SLC52A1: variants seen among roughly 807,000 people sequenced by gnomAD.
The protein encoded by SLC52A1 is solute carrier family 52, riboflavin transporter, member 1.
In SLC52A1, 20 loss-of-function variants were observed where a neutral mutation model predicts 23.2. The observed-to-expected ratio is 0.86, with a 90% CI of 0.61 to 1.25. The LOEUF (loss-of-function observed/expected upper bound fraction) is 1.25. SLC52A1 is among the 50% of genes most tolerant of loss of function. SLC52A1 has a pLI of 0.00. For synonymous variants in SLC52A1, 260 were observed against 256.6 expected, an observed-to-expected ratio of 1.01 and a Z score of -0.13; for missense variants, 528 against 557.0, an observed-to-expected ratio of 0.95 and a Z score of 0.52.
Position 5,034,008 on chromosome 17 carries a change from G to GC in SLC52A1, c.480dup (p.Leu161AlafsTer29). The GC allele has an allele frequency of 6.2e-7, 1 of 1,614,056 alleles. No homozygotes were observed. Among genetic ancestry groups the GC allele is most frequent in the Non-Finnish European group, 8.5e-7 (1 of 1,179,942 alleles). On this transcript the variant is annotated frameshift_variant, in exon 3 of 5. Coordinates refer to ENST00000254853, the MANE Select transcript of SLC52A1 (RefSeq NM_017986.4). LOFTEE classifies it high-confidence loss of function. ...CGGCCCACACCTTGCACTAGGGCCAGCACACAGGGGAGTAGGGCACTGAGA... is the reference window on the plus strand; with the variant it reads ...CGGCCCACACCTTGCACTAGGGCCAGCCACACAGGGGAGTAGGGCACTGAGA...
chr17:5,039,502 T>C (rs1372035798), upstream of SLC52A1, among the ~76,000 whole-genome samples: 1 of 152,080 alleles, frequency 6.6e-6, no homozygotes, highest in African/African-American at 2.4e-5. Flanking sequence ...TGACAATTTC[T>C]CACTCTGCCA....
In SLC52A1 at chr17:5,033,578, G is replaced by A. The variant is rs1975373636; in HGVS notation, c.911C>T (p.Ser304Phe). 6.2e-7 allele frequency: 1 copy of A among 1,613,962 alleles called. No homozygotes were observed. Among genetic ancestry groups the A allele is most frequent in the Non-Finnish European group, 8.5e-7 (1 of 1,180,006 alleles). Residue 304 changes from serine (S) to phenylalanine (F), a missense_variant, in exon 3 of 5, where the codon TCC (serine) becomes TTC (phenylalanine). Transcript: ENST00000254853. ...NGVLPSVQSF[S>F]CLPYGRLAYH... is the part of the protein sequence containing the mutation. ...GGCCAGGCGCCCATAGGGCAAACAG[G>A]AAAAGCTCTGCACAGAAGGCAGCAC...
rs1272471932 is a variant in SLC52A1 at position 5,034,600 on chromosome 17, C to T, written c.7G>A (p.Ala3Thr). 3 of 1,614,030 alleles carry T rather than the reference C, an allele frequency of 1.9e-6. No homozygotes were observed. The highest frequency in any genetic ancestry group is 2.5e-6 in the Non-Finnish European group (3 of 1,180,038). ...AGCACCAGACGGCCCAGCGTGGGTG[C>T]TGCCATTCAGCCCAAAGCTGGACCC... is the stretch of plus-strand genomic sequence containing the variant. MA[A>T]PTLGRLVLTH... Residue 3 changes from alanine to threonine, a missense_variant, in exon 2 of 5, where the codon GCA becomes ACA. Physicochemically the swap from Ala to Thr is moderately conservative, Grantham distance 58. Transcript: ENST00000254853.
chr17:5,041,074 C>T (rs919279820), intron 1 of SLC52A1, among the ~76,000 whole-genome samples: 7 of 151,786 alleles, frequency 4.6e-5, no homozygotes, highest in Non-Finnish European at 1.0e-4. Context: ...GGATTACAGG[C>T]GTGAGCCACC....
chr17:5,032,863 G>T lies in SLC52A1; in HGVS notation c.*94C>A. The stretch of plus-strand genomic sequence containing the variant: ...AGGTGTCCATGAGCGTTCCTGTGTT[G>T]GGGGAAGCCTGCCTGGGCCACAAGT... On this transcript the variant is annotated 3_prime_UTR_variant, in exon 5 of 5. Transcript: ENST00000254853. 1 of 1,179,166 alleles carries T rather than the reference G, an allele frequency of 8.5e-7. No homozygotes were observed. The highest frequency in any genetic ancestry group is 1.2e-6 in the Non-Finnish European group (1 of 819,528). The allele number at this position is 1,179,166 out of a possible 1,614,324, so 73.0% of individuals were successfully genotyped here.
chr17:5,037,921 T>C (rs1427232308), upstream of SLC52A1, among the ~76,000 whole-genome samples: 6 of 144,108 alleles, frequency 4.2e-5, 1 homozygote, highest in African/African-American at 1.0e-4. Context: ...TTCCTTTTTT[T>C]TTTTTTTTTT....
In SLC52A1 at chr17:5,034,232, A is replaced by C. The variant is rs748471589; in HGVS notation, c.257T>G (p.Val86Gly). 8.7e-6 allele frequency: 14 copies of C among 1,613,628 alleles called. No homozygotes were observed. In the East Asian group the frequency reaches 3.1e-4, roughly 36 times the overall value. ...GEQVPIQVVQ[V>G]LSVVGTALLA... ...CAGGGCTGTGCCCACTACACTCAGC[A>C]CCTGTACCACCTGGATGGGGACCTG... Residue 86 changes from valine (V) to glycine (G), a missense_variant, in exon 3 of 5, where the codon GTG becomes GGG. Transcript: ENST00000254853.
upstream of SLC52A1, among the ~76,000 whole-genome samples, chr17:5,037,186 C>T (rs1250587529): frequency 6.6e-6 from 1 of 152,058 alleles, no homozygotes; most frequent in African/African-American, 2.4e-5. Flanking sequence ...ACAAAAGAAT[C>T]GTATTTCCTA....
At chr17:5,035,685 G>T (rs535551913), upstream of SLC52A1, among the ~76,000 whole-genome samples, 71 of 152,264 alleles carry the variant, frequency 4.7e-4, no homozygotes, top group African/African-American at 1.6e-3. Flanking sequence ...TTTGTTGTTT[G>T]TTGTTTTAAT....
upstream of SLC52A1, among the ~76,000 whole-genome samples, chr17:5,038,519 A>G (rs1000518613): frequency 6.6e-6 from 1 of 152,202 alleles, no homozygotes; most frequent in Non-Finnish European, 1.5e-5. Flanking sequence ...AGTTTCCCAC[A>G]GTAATACCAA....
chr17:5,039,291 C>G (rs1049427523), upstream of SLC52A1, among the ~76,000 whole-genome samples: 1 of 151,684 alleles, frequency 6.6e-6, no homozygotes, highest in Non-Finnish European at 1.5e-5. Context: ...CCACTACACT[C>G]CAGCCTGGGC....
Position 5,033,788 on chromosome 17 carries a change from T to A in SLC52A1, c.701A>T (p.Gln234Leu). 6.2e-7 allele frequency: 1 copy of A among 1,614,162 alleles called. No individual in the cohort carries two copies. The highest frequency in any genetic ancestry group is 1.7e-5 in the Admixed American group (1 of 60,028). The change falls in exon 3 of 5, where the codon CAA becomes CTA. Residue 234 changes from glutamine to leucine, a missense_variant. Transcript: ENST00000254853. ...CTCCTCTGCTCCTGGGGATCCCAGT[T>A]GAAGTTCAGGCCCTGAGCCCCCTGT... The part of the protein sequence containing the change: ...VTTGGSGPEL[Q>L]LGSPGAEEEE...
chr17:5,040,997 G>A (rs1030882796), intron 1 of SLC52A1, among the ~76,000 whole-genome samples: 8 of 151,674 alleles, frequency 5.3e-5, no homozygotes, highest in Non-Finnish European at 7.4e-5. Flanking sequence ...GGGTTTCACC[G>A]TGTTAGCCAG....
At position 5,033,658 on chromosome 17, in the gene SLC52A1, G is replaced by A. The variant is rs763744798; in HGVS notation, c.831C>T (p.Ala277=). Residue 277 remains alanine (A), a synonymous_variant, in exon 3 of 5, where the codon GCC becomes GCT. Coordinates refer to ENST00000254853, the MANE Select transcript of SLC52A1 (RefSeq NM_017986.4). ...TCAGGCCCAGCAGGAAGGCACCATGGGCTGAGAACAGCTGATGGGCCTCAG... is the reference window on the plus strand; with the variant it reads ...TCAGGCCCAGCAGGAAGGCACCATGAGCTGAGAACAGCTGATGGGCCTCAG... ...PDPEAHQLFS[A]HGAFLLGLMA... The A allele has an allele frequency of 2.5e-6, 4 of 1,613,936 alleles. No homozygotes were observed. In the African/African-American group the frequency reaches 4.0e-5, roughly 16 times the overall value.
Position 5,033,135 on chromosome 17 carries a change from G to A in SLC52A1, c.1169C>T (p.Ser390Leu), listed in dbSNP as rs771636989. The A allele has an allele frequency of 2.5e-6, 4 of 1,613,868 alleles. No homozygotes were observed. The Admixed American group carries it at 5.0e-5, about 20-fold the overall frequency. Residue 390 changes from serine to leucine, a missense_variant, in exon 5 of 5, where the codon TCA (serine) becomes TTA (leucine). By Grantham distance (145) the Ser-to-Leu change is moderately radical. Transcript: ENST00000254853. ...GGAGCTTGCAGCCACCTTCACATAT[G>A]AGAACACACACAGACACAGCACCCA... ...LSWVLCLCVF[S>L]YVKVAASSLL...
chr17:5,034,485 A>T lies in SLC52A1; in HGVS notation c.122T>A (p.Leu41His). The T allele has an allele frequency of 6.2e-7, 1 of 1,614,182 alleles. No individual in the cohort carries two copies. The highest frequency in any genetic ancestry group is 8.5e-7 in the Non-Finnish European group (1 of 1,180,018). The part of the protein sequence containing the change: ...WVELPVVVKD[L>H]PEGWSLPSYL... ...ACCTCCCTCCCACTCACCCTCTGGA[A>T]GGTCTTTTACCACCACAGGCAGCTC... The change falls in exon 2 of 5, where the codon CTT (leucine) becomes CAT (histidine). Residue 41 changes from leucine (L) to histidine (H), a missense_variant. Physicochemically the swap from Leu to His is moderately conservative, Grantham distance 99. Coordinates refer to ENST00000254853, the MANE Select transcript of SLC52A1 (RefSeq NM_017986.4).
chr17:5,033,223 G>C (rs1404255913), intron 4 of SLC52A1, 38 bp downstream of exon 4: 1 of 1,612,586 alleles, frequency 6.2e-7, no homozygotes, highest in African/African-American at 1.3e-5. Flanking sequence ...TGCTCCAGGG[G>C]ACACCCTCCT....
rs1975361071 is a variant in SLC52A1, at chr17:5,033,270, C to CA, written c.1124dup (p.Val376GlyfsTer124). The stretch of plus-strand genomic sequence containing the variant: ...GTCTCCACTTGCTCACCACAAGGAC[C>CA]ACCCCTGCAGTGGTGCCCACCAGGG... On this transcript the variant is annotated frameshift_variant, in exon 4 of 5. Transcript: ENST00000254853. LOFTEE classifies it low-confidence loss of function (END_TRUNC). The CA allele has an allele frequency of 6.2e-6, 10 of 1,614,084 alleles. No individual in the cohort carries two copies. Among genetic ancestry groups the CA allele is most frequent in the Non-Finnish European group, 8.5e-6 (10 of 1,179,992 alleles).
rs1975343849 is a variant in SLC52A1, at chr17:5,032,904, CA to C, written c.*52del. 1 of 1,532,818 alleles carries C rather than the reference CA, an allele frequency of 6.5e-7. No individual in the cohort carries two copies. The highest frequency in any genetic ancestry group is 1.1e-5 in the South Asian group (1 of 87,288). 95.0% of individuals were successfully genotyped at this position (1,532,818 alleles called of 1,614,324 possible). A position where few individuals can be genotyped will look rare whatever the true frequency, so the allele number is the denominator to read the frequency against. ...GGCCACAAGTAGTCAGGCACTGTGGCAGCCTCACGATGAAGACAGGTGGGGT... is the reference window on the plus strand; with the variant it reads ...GGCCACAAGTAGTCAGGCACTGTGGCGCCTCACGATGAAGACAGGTGGGGT... On this transcript the variant is annotated 3_prime_UTR_variant, in exon 5 of 5. Coordinates refer to ENST00000254853, the MANE Select transcript of SLC52A1 (RefSeq NM_017986.4).
Sources: allele counts gnomAD v4.1 joint callset (sites outside exome capture counted in the v4.1 genomes callset), GRCh38; gene constraint gnomAD v4.1.1; transcripts MANE v1.5; gene names NCBI Gene and HGNC (gene_info 2026-07-23, HGNC 2026-07-21).